CXCL2: variants seen among roughly 807,000 people sequenced by gnomAD.
The protein encoded by CXCL2 is C-X-C motif chemokine 2.
In CXCL2, 12 loss-of-function variants were observed where a neutral mutation model predicts 11.2. The ratio of observed to expected loss-of-function variants is 1.08; its 90% CI spans 0.69 to 1.74. The LOEUF (loss-of-function observed/expected upper bound fraction) is 1.74, where lower values mean the gene tolerates loss of function less well. Among genes scored for constraint, CXCL2 ranks in the 40% most tolerant of loss-of-function variants. The pLI, the probability that CXCL2 is intolerant of heterozygous loss-of-function variation, is 0.00. For missense variants in CXCL2, 120 were observed against 137.8 expected (o/e 0.87, Z 0.65); for synonymous variants, 68 against 61.9 (o/e 1.10, Z -0.47).
intron 2 of CXCL2, 43 bp downstream of exon 2, chr4:74,098,756 G>C (rs1369299516): frequency 1.9e-6 from 3 of 1,613,232 alleles, no homozygotes; most frequent in Non-Finnish European, 1.7e-6. Flanking sequence ...CGGGAGAGTC[G>C]GGGACCCCAG....
At position 74,099,108 on chromosome 4, in the gene CXCL2, T is replaced by C. The variant is rs1025225411; in HGVS notation, c.13A>G (p.Thr5Ala). The C allele has an allele frequency of 2.0e-6, 3 of 1,495,566 alleles. No homozygotes were observed. Among genetic ancestry groups the C allele is most frequent in the Non-Finnish European group, 2.7e-6 (3 of 1,124,498 alleles). 92.6% of individuals were successfully genotyped at this position (1,495,566 alleles called of 1,614,324 possible). The change falls in exon 1 of 4, where the codon ACG becomes GCG. Residue 5 changes from threonine (T) to alanine (A), a missense_variant. By Grantham distance (58) the Thr-to-Ala change is moderately conservative (BLOSUM62 0). Coordinates refer to ENST00000508487, the MANE Select transcript of CXCL2 (RefSeq NM_002089.4). Reference protein sequence around the residue: MARATLSAAPSNPRL... With the variant: MARAALSAAPSNPRL... ...GGATTGCTGGGGGCGGCGGAGAGCG[T>C]GGCGCGGGCCATGGGGCTCAGCAGG...
rs771004099 is a variant in CXCL2 at position 74,097,723 on chromosome 4, A to G, written c.*33T>C. On this transcript the variant is annotated 3_prime_UTR_variant, in exon 4 of 4. Coordinates refer to ENST00000508487, the MANE Select transcript of CXCL2 (RefSeq NM_002089.4). ...TGTAAGGGCAGGGCCTCCTTCAGGA[A>G]CAGCCACCAATAAGCTTCCTCCTTC... is the stretch of plus-strand genomic sequence containing the variant. 2 of 1,592,640 alleles carry G rather than the reference A, an allele frequency of 1.3e-6. No individual in the cohort carries two copies.
At position 74,098,919 on chromosome 4, in the gene CXCL2, G is replaced by T; in HGVS notation, c.104C>A (p.Ala35Glu). The T allele has an allele frequency of 6.2e-7, 1 of 1,613,226 alleles. No individual in the cohort carries two copies. Among genetic ancestry groups the T allele is most frequent in the Admixed American group, 1.7e-5 (1 of 59,880 alleles). ...LVAASRRAAG[A>E]PLATELRCQC... ...GCAGCGCAGTTCAGTGGCCAGGGGCGCTCCTAGGGAAGAAGAGACTCGCTG... is the reference window on the plus strand; with the variant it reads ...GCAGCGCAGTTCAGTGGCCAGGGGCTCTCCTAGGGAAGAAGAGACTCGCTG... The change falls in exon 2 of 4, where the codon GCG becomes GAG. Residue 35 changes from alanine to glutamate, a missense_variant. Ala to Glu is a moderately radical substitution (Grantham distance 107). Transcript: ENST00000508487.
Position 74,098,639 on chromosome 4 carries a change from C to T in CXCL2, c.270G>A (p.Ser90=), listed in dbSNP as rs200989587. Residue 90 remains serine, a synonymous_variant, in exon 3 of 4, where the codon TCG becomes TCA. Coordinates refer to ENST00000508487, the MANE Select transcript of CXCL2 (RefSeq NM_002089.4). Reference sequence around the variant, plus strand: ...TTTCGATGATTTTCTTAACCATGGGCGATGCGGGGTTGAGACAAGCTTTCT... The same window carrying T: ...TTTCGATGATTTTCTTAACCATGGGTGATGCGGGGTTGAGACAAGCTTTCT... ...NGQKACLNPA[S]PMVKKIIEKM... 3.0e-5 allele frequency: 49 copies of T among 1,613,966 alleles called. No individual in the cohort carries two copies. The East Asian group carries it at 8.0e-4, about 26-fold the overall frequency.
chr4:74,098,941 G>T lies in CXCL2; in HGVS notation c.101-19C>A, dbSNP rs777759075. ...GGCGCTCCTAGGGAAGAAGAGACTC[G>T]CTGATTGAGCGGGGCTGTCGGCGCG... On this transcript the variant is annotated intron_variant, in intron 1 of 3. Transcript: ENST00000508487. 6.2e-6 allele frequency: 10 copies of T among 1,609,156 alleles called. No individual in the cohort carries two copies. Among genetic ancestry groups the T allele is most frequent in the African/African-American group, 1.3e-5 (1 of 74,458 alleles).
rs757065479 is a variant in CXCL2 at position 74,098,835 on chromosome 4, T to C, written c.188A>G (p.Lys63Arg). The change falls in exon 2 of 4, where the codon AAG becomes AGG. Residue 63 changes from lysine (K) to arginine (R), a missense_variant. Transcript: ENST00000508487. Reference protein sequence around the residue: ...HLKNIQSVKVKSPGPHCAQTE... With the variant: ...HLKNIQSVKVRSPGPHCAQTE... ...TTGGGCGCAGTGGGGTCCGGGGGAC[T>C]TCACCTTCACACTTTGGATGTTCTT... 1.2e-6 allele frequency: 2 copies of C among 1,614,202 alleles called. No homozygotes were observed. The highest frequency in any genetic ancestry group is 1.7e-5 in the Admixed American group (1 of 60,032).
At chr4:74,098,277 G>A (rs1446892481) in intron 3 of CXCL2, among the ~76,000 whole-genome samples, 2 of 152,150 alleles carry the variant, frequency 1.3e-5, no homozygotes, top group Non-Finnish European at 2.9e-5. Context: ...AAGTCAGTAG[G>A]AACTAGGGGA....
rs1181764749 is a variant in CXCL2, at chr4:74,098,873, C to T, written c.150G>A (p.Gln50=). The T allele has an allele frequency of 6.2e-7, 1 of 1,614,188 alleles. No homozygotes were observed. Among genetic ancestry groups the T allele is most frequent in the African/African-American group, 1.3e-5 (1 of 75,058 alleles). Residue 50 remains glutamine (Q), a synonymous_variant, in exon 2 of 4, where the codon CAG becomes CAA. Coordinates refer to ENST00000508487, the MANE Select transcript of CXCL2 (RefSeq NM_002089.4). ...TTTGGATGTTCTTGAGGTGAATTCC[C>T]TGCAGGGTCTGCAAGCACTGGCAGC... ...ELRCQCLQTL[Q]GIHLKNIQSV...
rs202120861 is a variant in CXCL2 at position 74,098,924 on chromosome 4, T to A, written c.101-2A>T. 1.2e-6 allele frequency: 2 copies of A among 1,612,948 alleles called. No individual in the cohort carries two copies. The highest frequency in any genetic ancestry group is 1.7e-6 in the Non-Finnish European group (2 of 1,179,628). On this transcript the variant is annotated splice_acceptor_variant, in intron 1 of 3. Transcript: ENST00000508487. LOFTEE classifies it high-confidence loss of function. ...GCAGTTCAGTGGCCAGGGGCGCTCCTAGGGAAGAAGAGACTCGCTGATTGA... is the reference window on the plus strand; with the variant it reads ...GCAGTTCAGTGGCCAGGGGCGCTCCAAGGGAAGAAGAGACTCGCTGATTGA...
At position 74,099,185 on chromosome 4, in the gene CXCL2, C is replaced by T; in HGVS notation, c.-65G>A. 1 of 1,406,198 alleles carries T rather than the reference C, an allele frequency of 7.1e-7. No individual in the cohort carries two copies. Among genetic ancestry groups the T allele is most frequent in the Non-Finnish European group, 9.2e-7 (1 of 1,084,706 alleles). The allele number at this position is 1,406,198 out of a possible 1,614,324, so 87.1% of individuals were successfully genotyped here. On this transcript the variant is annotated 5_prime_UTR_variant, in exon 1 of 4. Transcript: ENST00000508487. ...GAGCTGGCAAGGAGCTGCCTGTGGCCCGGGCTCTGTGGCTCTCCGAGAACG... is the reference window on the plus strand; with the variant it reads ...GAGCTGGCAAGGAGCTGCCTGTGGCTCGGGCTCTGTGGCTCTCCGAGAACG...
intron 3 of CXCL2, among the ~76,000 whole-genome samples, chr4:74,098,244 G>A (rs990491341): frequency 2.0e-5 from 3 of 152,200 alleles, no homozygotes; most frequent in Non-Finnish European, 4.4e-5. Flanking sequence ...CAAAAAACCA[G>A]GGGGTCTGCT....
Position 74,097,242 on chromosome 4 carries a change from T to C in CXCL2, c.*514A>G, listed in dbSNP as rs1721299878. 6.6e-6 allele frequency: 1 copy of C among 152,240 alleles called. No individual in the cohort carries two copies. Among genetic ancestry groups the C allele is most frequent in the African/African-American group, 2.4e-5 (1 of 41,462 alleles). The allele number at this position is 152,240 out of a possible 1,614,324, so 9.4% of individuals were successfully genotyped here. Reference sequence around the variant, plus strand: ...AACATGAGAAATGTTGACCACACACTGTGAAATCATTTCAATAAATAACAA... The same window carrying C: ...AACATGAGAAATGTTGACCACACACCGTGAAATCATTTCAATAAATAACAA... On this transcript the variant is annotated 3_prime_UTR_variant, in exon 4 of 4. Coordinates refer to ENST00000508487, the MANE Select transcript of CXCL2 (RefSeq NM_002089.4).
rs775008091 is a variant in CXCL2, at chr4:74,098,914, G to A, written c.109C>T (p.Leu37=). 5.6e-6 allele frequency: 9 copies of A among 1,613,836 alleles called. No homozygotes were observed. The South Asian group carries it at 9.9e-5, about 18-fold the overall frequency. ...AASRRAAGAP[L]ATELRCQCLQ... ...CACTGGCAGCGCAGTTCAGTGGCCA[G>A]GGGCGCTCCTAGGGAAGAAGAGACT... Residue 37 remains leucine, a synonymous_variant, in exon 2 of 4, where the codon CTG becomes TTG. Transcript: ENST00000508487.
In CXCL2 at chr4:74,097,257, A is replaced by T. The variant is rs1265128024; in HGVS notation, c.*499T>A. The T allele has an allele frequency of 6.6e-6, 1 of 152,252 alleles. No individual in the cohort carries two copies. The highest frequency in any genetic ancestry group is 6.5e-5 in the Admixed American group (1 of 15,288). The allele number at this position is 152,252 out of a possible 1,614,324, so 9.4% of individuals were successfully genotyped here. A position where few individuals can be genotyped will look rare whatever the true frequency, so the allele number is the denominator to read the frequency against. On this transcript the variant is annotated 3_prime_UTR_variant, in exon 4 of 4. Coordinates refer to ENST00000508487, the MANE Select transcript of CXCL2 (RefSeq NM_002089.4). ...GACCACACACTGTGAAATCATTTCA[A>T]TAAATAACAACTGACATTCATCTTT...
In CXCL2 at chr4:74,099,028, G is replaced by A; in HGVS notation, c.93C>T (p.Arg31=). 6.8e-7 allele frequency: 1 copy of A among 1,471,732 alleles called. No homozygotes were observed. The highest frequency in any genetic ancestry group is 1.5e-5 in the African/African-American group (1 of 67,886). 91.2% of individuals were successfully genotyped at this position (1,471,732 alleles called of 1,614,324 possible). The change falls in exon 1 of 4, where the codon CGC becomes CGT. Residue 31 remains arginine (R), a synonymous_variant. Coordinates refer to ENST00000508487, the MANE Select transcript of CXCL2 (RefSeq NM_002089.4). ...LLLLLVAASR[R]AAGAPLATEL... ...CAGGGCGCCGGGACCCACCTGCTGC[G>A]CGCCGGCTGGCGGCCACCAGGAGCA...
At position 74,099,033 on chromosome 4, in the gene CXCL2, G is replaced by T; in HGVS notation, c.88C>A (p.Arg30=). 5 of 1,473,106 alleles carry T rather than the reference G, an allele frequency of 3.4e-6. No individual in the cohort carries two copies. Among genetic ancestry groups the T allele is most frequent in the Non-Finnish European group, 4.5e-6 (5 of 1,115,318 alleles). The allele number at this position is 1,473,106 out of a possible 1,614,324, so 91.3% of individuals were successfully genotyped here. The change falls in exon 1 of 4, where the codon CGG becomes AGG. Residue 30 remains arginine, a synonymous_variant. Transcript: ENST00000508487. ...LLLLLLVAAS[R]RAAGAPLATE... ...CGCCGGGACCCACCTGCTGCGCGCCGGCTGGCGGCCACCAGGAGCAGGAGC... is the reference window on the plus strand; with the variant it reads ...CGCCGGGACCCACCTGCTGCGCGCCTGCTGGCGGCCACCAGGAGCAGGAGC...
intron 2 of CXCL2, 32 bp downstream of exon 2, chr4:74,098,767 C>A (rs1400978985): frequency 1.9e-6 from 3 of 1,613,478 alleles, no homozygotes; most frequent in Non-Finnish European, 2.5e-6. Flanking sequence ...GGGACCCCAG[C>A]AGTGGCAGCG....
Position 74,098,663 on chromosome 4 carries a change from C to T in CXCL2, c.246G>A (p.Gln82=), listed in dbSNP as rs1721333063. ...TEVIATLKNG[Q]KACLNPASPM... The stretch of plus-strand genomic sequence containing the variant: ...GCGATGCGGGGTTGAGACAAGCTTT[C>T]TGCCCATTCTTGAGTGTGGCTCTGC... Residue 82 remains glutamine (Q), a synonymous_variant, in exon 3 of 4, where the codon CAG becomes CAA. Coordinates refer to ENST00000508487, the MANE Select transcript of CXCL2 (RefSeq NM_002089.4). 1.2e-6 allele frequency: 2 copies of T among 1,614,036 alleles called. No homozygotes were observed. Among genetic ancestry groups the T allele is most frequent in the African/African-American group, 2.7e-5 (2 of 74,932 alleles).
chr4:74,097,612 G>T lies in CXCL2; in HGVS notation c.*144C>A. The T allele has an allele frequency of 2.6e-6, 1 of 388,124 alleles. No individual in the cohort carries two copies. Among genetic ancestry groups the T allele is most frequent in the Non-Finnish European group, 4.3e-6 (1 of 230,160 alleles). 24.0% of individuals were successfully genotyped at this position (388,124 alleles called of 1,614,324 possible). A position where few individuals can be genotyped will look rare whatever the true frequency, so the allele number is the denominator to read the frequency against. On this transcript the variant is annotated 3_prime_UTR_variant, in exon 4 of 4. Transcript: ENST00000508487. ...AAATAAATAAATAAATAAATAAATA[G>T]AAGACTTCTCCTAAGTGATGCTCAA...
Sources: gnomAD v4.1 joint callset for allele counts (sites outside exome capture counted in the v4.1 genomes callset) on GRCh38, gnomAD v4.1.1 for gene constraint, MANE v1.5 for transcripts, NCBI Gene and HGNC (gene_info 2026-07-23, HGNC 2026-07-21) for gene names.